Variants in PACS2 observed in about 807,000 individuals in gnomAD.
The protein encoded by PACS2 is PACS1-like protein.
Under a neutral mutation model 113.0 loss-of-function variants are expected in PACS2, and 36 were observed. The observed-to-expected ratio is 0.32, with a 90% confidence interval of 0.24 to 0.42. The LOEUF (loss-of-function observed/expected upper bound fraction) is 0.42, where lower values mean the gene tolerates loss of function less well. PACS2 is among the 10% of genes least tolerant of loss of function. The pLI is 1.00. For synonymous variants in PACS2, 589 were observed against 536.1 expected (o/e 1.10, Z -1.36); for missense variants, 1,015 against 1,239.5 (o/e 0.82, Z 2.72).
intron 15 of PACS2, 95 bp from the exon 16 acceptor site, chr14:105,383,264 C>A: frequency 7.1e-7 from 1 of 1,418,358 alleles, no homozygotes; most frequent in Non-Finnish European, 9.8e-7. Context: ...GCCACAGGCA[C>A]GGAGCCCCCT....
intron 1 of PACS2, among the ~76,000 whole-genome samples, chr14:105,342,294 C>T (rs1032383664): frequency 6.9e-6 from 1 of 145,320 alleles, no homozygotes; most frequent in Admixed American, 6.8e-5. Flanking sequence ...GAGAGAGAGA[C>T]AGGGTCCTCT....
intron 1 of PACS2, among the ~76,000 whole-genome samples, chr14:105,347,451 C>T (rs1555402921): frequency 6.6e-6 from 1 of 152,176 alleles, no homozygotes; most frequent in Non-Finnish European, 1.5e-5. Context: ...GTTCCATGGC[C>T]TGACTGTGTC....
At chr14:105,345,092 C>A (rs782714576) in intron 1 of PACS2, among the ~76,000 whole-genome samples, 3 of 122,158 alleles carry the variant, frequency 2.5e-5, no homozygotes, top group South Asian at 2.6e-4. Flanking sequence ...CTGGGCAACA[C>A]AGTGTGACTC....
At chr14:105,314,314 G>C (rs2058451452), upstream of PACS2, 1 of 152,046 alleles carries the variant, frequency 6.6e-6, no homozygotes, top group Non-Finnish European at 1.5e-5. Context: ...GTGGAGGCGG[G>C]AAAGTGTCGA....
chr14:105,323,980 T>C lies in PACS2; in HGVS notation c.119+8943T>C, dbSNP rs1473325530. 2.0e-5 allele frequency among the ~76,000 whole-genome samples: 3 copies of C among 152,258 alleles called. No homozygotes were observed. The highest frequency in any genetic ancestry group is 1.5e-5 in the Non-Finnish European group (1 of 68,042). On this transcript the variant is annotated intron_variant, in intron 1 of 24. Transcript: ENST00000447393. The surrounding 1 kb of genome is among the most constrained non-coding windows in gnomAD (Gnocchi z 4.1). The stretch of plus-strand genomic sequence containing the variant: ...TGCTTTCAAGATGCCTGGAAACCTC[T>C]GGCAGCTCTGTCCTGCTGTCAACAC...
intron 4 of PACS2, 52 bp from the exon 5 acceptor site, chr14:105,367,161 C>A: frequency 6.4e-7 from 1 of 1,559,706 alleles, no homozygotes; most frequent in East Asian, 2.3e-5. Context: ...ATCAGGGCAC[C>A]GGGGCTCCTT....
Position 105,382,069 on chromosome 14 carries a change from A to C in PACS2, c.1413+11A>C. The C allele has an allele frequency of 6.5e-7, 1 of 1,545,094 alleles. No homozygotes were observed. Among genetic ancestry groups the C allele is most frequent in the South Asian group, 1.2e-5 (1 of 83,518 alleles). ...CAGGTGCAGCTGCAGGTGGGGGTGG[A>C]GGGCGTGGCACGCCCAGGAGGCAGG... On this transcript the variant is annotated intron_variant, in intron 13 of 24. Coordinates refer to ENST00000447393, the MANE Select transcript of PACS2 (RefSeq NM_001100913.3).
In PACS2 at chr14:105,396,061, C is replaced by T. The variant is rs1469155578; in HGVS notation, c.*1389C>T. The T allele has an allele frequency of 2.6e-5, 4 of 152,308 alleles. No homozygotes were observed. Among genetic ancestry groups the T allele is most frequent in the Non-Finnish European group, 4.4e-5 (3 of 68,088 alleles). 9.4% of individuals were successfully genotyped at this position (152,308 alleles called of 1,614,324 possible). A position where few individuals can be genotyped will look rare whatever the true frequency, so the allele number is the denominator to read the frequency against. Reference sequence around the variant, plus strand: ...ACCCTTGCTGGCCTGAGAGATGGCCCACATTTCTTACTTGTGACCGCCCTG... The same window carrying T: ...ACCCTTGCTGGCCTGAGAGATGGCCTACATTTCTTACTTGTGACCGCCCTG... On this transcript the variant is annotated 3_prime_UTR_variant, in exon 25 of 25. Coordinates refer to ENST00000447393, the MANE Select transcript of PACS2 (RefSeq NM_001100913.3).
chr14:105,304,352 A>G (rs1051904282), intron 1 of PACS2, among the ~76,000 whole-genome samples: 5 of 151,980 alleles, frequency 3.3e-5, no homozygotes, highest in South Asian at 2.1e-4. Context: ...AGCAGGTGTG[A>G]TGGTGGGCGC....
Position 105,330,258 on chromosome 14 carries a change from GGGGT to G in PACS2, c.119+15222_119+15225del. On this transcript the variant is annotated intron_variant, in intron 1 of 24. Coordinates refer to ENST00000447393, the MANE Select transcript of PACS2 (RefSeq NM_001100913.3). This position sits in a 1 kb window ranked among gnomAD's most constrained non-coding sequence, Gnocchi z 6.9. ...GGGACAGGGAGCCTCCGAGAAGCCT[GGGGT>G]CCGTGTGTGGGACGGAATGGGGACA... 7.1e-6 allele frequency among the ~76,000 whole-genome samples: 1 copy of G among 140,526 alleles called. No individual in the cohort carries two copies. The highest frequency in any genetic ancestry group is 2.7e-5 in the African/African-American group (1 of 36,790). The allele number at this position is 140,526 out of a possible 152,430, so 92.2% of individuals were successfully genotyped here.
intron 16 of PACS2, chr14:105,383,722 A>G (rs2081075236): frequency 1.8e-6 from 1 of 549,770 alleles, no homozygotes; most frequent in Non-Finnish European, 3.2e-6. Context: ...ACACTTTGTT[A>G]ATTTTAATTA....
At chr14:105,387,708 C>T (rs2081224993) in intron 19 of PACS2, among the ~76,000 whole-genome samples, 1 of 152,238 alleles carries the variant, frequency 6.6e-6, no homozygotes, top group Non-Finnish European at 1.5e-5. Context: ...CTGCATTCGG[C>T]CCTCATCTGC....
In PACS2 at chr14:105,366,498, C is replaced by T. The variant is rs587729070; in HGVS notation, c.424-715C>T. On this transcript the variant is annotated intron_variant, in intron 4 of 24. Transcript: ENST00000447393. The surrounding 1 kb of genome is among the most constrained non-coding windows in gnomAD (Gnocchi z 4.3). ...TCATGGCGTGTGGTTCTGAGGCTGG[C>T]GTGGGGCACGGCGGGGCTGTGCCTG... 3.3e-3 allele frequency among the ~76,000 whole-genome samples: 508 copies of T among 152,278 alleles called. 4 individuals carry two copies. The highest frequency in any genetic ancestry group is 0.012 in the African/African-American group (481 of 41,566).
chr14:105,303,647 T>G (rs1246737515), intron 1 of PACS2, among the ~76,000 whole-genome samples: 2 of 152,250 alleles, frequency 1.3e-5, no homozygotes, highest in Non-Finnish European at 2.9e-5. Flanking sequence ...ATTACCACTT[T>G]AGCTGAATCC....
At chr14:105,378,728 G>C (rs1362092076) in intron 9 of PACS2, among the ~76,000 whole-genome samples, 3 of 152,210 alleles carry the variant, frequency 2.0e-5, no homozygotes, top group African/African-American at 4.8e-5. Flanking sequence ...TTTTTCACTT[G>C]AAAGGTCTTT....
At chr14:105,369,418 G>C (rs1034962206) in intron 7 of PACS2, among the ~76,000 whole-genome samples, 23 of 152,222 alleles carry the variant, frequency 1.5e-4, no homozygotes, top group Non-Finnish European at 3.2e-4. Flanking sequence ...CTGCAGTCCA[G>C]GGTGGCACGA....
In PACS2 at chr14:105,355,945, T is replaced by C. The variant is rs898967578; in HGVS notation, c.423+768T>C. ...CTTCAGAACTTTCCCCATCGTGGGG[T>C]TGTGTTCAGGGGTCCAGGGGCTGCG... On this transcript the variant is annotated intron_variant, in intron 4 of 24. Transcript: ENST00000447393. The surrounding 1 kb of genome is among the most constrained non-coding windows in gnomAD (Gnocchi z 4.1). Among the ~76,000 whole-genome samples the C allele has an allele frequency of 6.6e-6, 1 of 151,950 alleles. No individual in the cohort carries two copies. Among genetic ancestry groups the C allele is most frequent in the Admixed American group, 6.5e-5 (1 of 15,272 alleles).
At chr14:105,391,512 T>TACCCCCCCCCC in intron 21 of PACS2, 119 bp from the exon 22 acceptor site, 2 of 611,332 alleles carry the variant, frequency 3.3e-6, no homozygotes, top group Non-Finnish European at 5.8e-6. Context: ...CACTGGGGAC[T>TACCCCCCCCCC]CCCACCCTGC....
intron 1 of PACS2, among the ~76,000 whole-genome samples, chr14:105,305,895 C>A (rs2058172764): frequency 6.6e-6 from 1 of 152,256 alleles, no homozygotes; most frequent in African/African-American, 2.4e-5. Context: ...CAAGGCAGGA[C>A]CCTCACTCGC....
Sources: gnomAD v4.1 joint callset for allele counts (sites outside exome capture counted in the v4.1 genomes callset) on GRCh38, gnomAD v4.1.1 for gene constraint, Gnocchi (gnomAD v3.1) non-coding constraint, MANE v1.5 for transcripts, NCBI Gene and HGNC (gene_info 2026-07-23, HGNC 2026-07-21) for gene names.